The following C6orf58 variants were observed in gnomAD, a reference collection of about 807,000 sequenced individuals.
C6orf58 encodes the protein protein LEG1 homolog.
A neutral mutation model predicts 37.0 loss-of-function variants in C6orf58; 30 were observed. The ratio of observed to expected loss-of-function variants is 0.81; its 90% CI spans 0.61 to 1.10. The LOEUF is 1.10. C6orf58 is among the 50% of genes least tolerant of loss of function. The pLI is 0.00. For missense variants in C6orf58, 368 were observed against 387.5 expected, an observed-to-expected ratio of 0.95 and a Z score of 0.42; for synonymous variants, 143 against 134.1, an observed-to-expected ratio of 1.07 and a Z score of -0.46.
intron 2 of C6orf58, among the ~76,000 whole-genome samples, chr6:127,579,946 G>T: frequency 6.6e-6 from 1 of 151,926 alleles, no homozygotes; most frequent in East Asian, 1.9e-4. Context: ...AAAGTTGATA[G>T]CTTTCTTCCA....
rs1179237127 is a variant in C6orf58 at position 127,591,556 on chromosome 6, A to C, written c.927A>C (p.Thr309=). Residue 309 remains threonine (T), a synonymous_variant, in exon 6 of 6, where the codon ACA becomes ACC. Coordinates refer to ENST00000329722, the MANE Select transcript of C6orf58 (RefSeq NM_001010905.3). ...TATCTTTTACAGGTTATCTTTGTAC[A>C]GAAAAATCTAATGTATATAGAGATC... ...NVDKSIGYLC[T]EKSNVYRDHS... is the part of the protein sequence containing the mutation. The C allele has an allele frequency of 6.6e-7, 1 of 1,521,772 alleles. No homozygotes were observed. Among genetic ancestry groups the C allele is most frequent in the Admixed American group, 2.4e-5 (1 of 41,870 alleles). The allele number at this position is 1,521,772 out of a possible 1,614,324, so 94.3% of individuals were successfully genotyped here. A position where few individuals can be genotyped will look rare whatever the true frequency, so the allele number is the denominator to read the frequency against.
At chr6:127,580,723 CTAT>C (rs1775040869) in intron 3 of C6orf58, among the ~76,000 whole-genome samples, 1 of 152,132 alleles carries the variant, frequency 6.6e-6, no homozygotes, top group South Asian at 2.1e-4. Context: ...GATTAATAAG[CTAT>C]TCTGATTAAT....
At position 127,581,299 on chromosome 6, in the gene C6orf58, A is replaced by G; in HGVS notation, c.674+17A>G. On this transcript the variant is annotated intron_variant, in intron 4 of 5. Coordinates refer to ENST00000329722, the MANE Select transcript of C6orf58 (RefSeq NM_001010905.3). ...TGAAGACAGGTAAGAATGAATCTTT[A>G]AAGTATCTCTATTTAATATGATAAA... 8.7e-7 allele frequency: 1 copy of G among 1,143,746 alleles called. No homozygotes were observed. The highest frequency in any genetic ancestry group is 1.2e-6 in the Non-Finnish European group (1 of 800,780). The allele number at this position is 1,143,746 out of a possible 1,614,324, so 70.8% of individuals were successfully genotyped here. A position where few individuals can be genotyped will look rare whatever the true frequency, so the allele number is the denominator to read the frequency against.
At chr6:127,586,790 T>C (rs1562160955) in intron 4 of C6orf58, among the ~76,000 whole-genome samples, 1 of 152,234 alleles carries the variant, frequency 6.6e-6, no homozygotes, top group Non-Finnish European at 1.5e-5. Context: ...GCATTCAGTA[T>C]ATCATTTACA....
intron 4 of C6orf58, among the ~76,000 whole-genome samples, chr6:127,583,432 T>C (rs1421056880): frequency 6.6e-6 from 1 of 150,686 alleles, no homozygotes; most frequent in Non-Finnish European, 1.5e-5. Context: ...GAGAAAAGAC[T>C]TCATGTTGAC....
At chr6:127,589,700 G>A (rs541365879) in intron 4 of C6orf58, among the ~76,000 whole-genome samples, 1 of 152,180 alleles carries the variant, frequency 6.6e-6, no homozygotes, top group African/African-American at 2.4e-5. Flanking sequence ...GAAATCAACA[G>A]TTTCACAAAG....
rs1013369811 is a variant in C6orf58 at position 127,590,296 on chromosome 6, A to C, written c.884A>C (p.Asn295Thr). The C allele has an allele frequency of 1.2e-6, 2 of 1,610,772 alleles. No homozygotes were observed. Among genetic ancestry groups the C allele is most frequent in the African/African-American group, 2.7e-5 (2 of 74,880 alleles). The change falls in exon 5 of 6, where the codon AAT (asparagine) becomes ACT (threonine). Residue 295 changes from asparagine to threonine, a missense_variant. Coordinates refer to ENST00000329722, the MANE Select transcript of C6orf58 (RefSeq NM_001010905.3). Reference sequence around the variant, plus strand: ...CAGAATGTAGTCCTGGTTCTTCTAAATATGCTTGACAATGTGGATAAATCT... The same window carrying C: ...CAGAATGTAGTCCTGGTTCTTCTAACTATGCTTGACAATGTGGATAAATCT... ...AFQNVVLVLL[N>T]MLDNVDKSIG...
chr6:127,588,826 G>A (rs1221288216), intron 4 of C6orf58, among the ~76,000 whole-genome samples: 2 of 152,070 alleles, frequency 1.3e-5, no homozygotes, highest in East Asian at 3.9e-4. Context: ...CTAGACCTCT[G>A]TGGCCCTTGC....
At position 127,579,431 on chromosome 6, in the gene C6orf58, C is replaced by A. The variant is rs560890403; in HGVS notation, c.388+659C>A. On this transcript the variant is annotated intron_variant, in intron 2 of 5. Coordinates refer to ENST00000329722, the MANE Select transcript of C6orf58 (RefSeq NM_001010905.3). ...ATCCTTAAGCATTTTCCACTTACTA[C>A]CCCTAGTTCTTTTAAAAGACTCGCG... 5.3e-5 allele frequency among the ~76,000 whole-genome samples: 8 copies of A among 152,180 alleles called. No homozygotes were observed. The South Asian group carries it at 1.7e-3, about 32-fold the overall frequency.
At chr6:127,581,127 G>T in intron 3 of C6orf58, 55 bp from the exon 4 acceptor site, 1 of 771,566 alleles carries the variant, frequency 1.3e-6, no homozygotes. Flanking sequence ...TAAATTTCAG[G>T]GAGAAGGATT....
chr6:127,584,379 T>G (rs1009278087), intron 4 of C6orf58, among the ~76,000 whole-genome samples: 1 of 152,242 alleles, frequency 6.6e-6, no homozygotes, highest in African/African-American at 2.4e-5. Flanking sequence ...TTTGGATTAT[T>G]TTATCTCTTC....
intron 4 of C6orf58, among the ~76,000 whole-genome samples, chr6:127,589,846 T>C (rs920487341): frequency 6.6e-6 from 1 of 152,172 alleles, no homozygotes; most frequent in African/African-American, 2.4e-5. Flanking sequence ...TTAAAGAAGA[T>C]AAAATGCAAT....
chr6:127,581,436 T>G (rs557039888), intron 4 of C6orf58, among the ~76,000 whole-genome samples, 154 bp downstream of exon 4: 2 of 151,982 alleles, frequency 1.3e-5, no homozygotes, highest in East Asian at 3.9e-4. Context: ...GTGTAAATAT[T>G]TTAACATGAT....
chr6:127,589,310 C>T (rs994956804), intron 4 of C6orf58, among the ~76,000 whole-genome samples: 1 of 152,170 alleles, frequency 6.6e-6, no homozygotes, highest in African/African-American at 2.4e-5. Context: ...CAGAATGTAC[C>T]TGCTGAACCA....
chr6:127,577,802 C>T (rs1775006446), intron 1 of C6orf58, among the ~76,000 whole-genome samples: 1 of 152,072 alleles, frequency 6.6e-6, no homozygotes. Flanking sequence ...ACACTCCTTT[C>T]TAAGCAATGA....
At chr6:127,577,565 A>G (rs1775003281) in intron 1 of C6orf58, 79 bp downstream of exon 1, 4 of 1,193,050 alleles carry the variant, frequency 3.4e-6, no homozygotes, top group Non-Finnish European at 4.9e-6. Context: ...CTCTGTATAT[A>G]CCCTACTATG....
At chr6:127,588,830 C>A (rs762560477) in intron 4 of C6orf58, among the ~76,000 whole-genome samples, 2 of 152,126 alleles carry the variant, frequency 1.3e-5, no homozygotes, top group South Asian at 4.1e-4. Flanking sequence ...ACCTCTGTGG[C>A]CCTTGCTCAA....
chr6:127,586,702 C>G (rs1775110984), intron 4 of C6orf58, among the ~76,000 whole-genome samples: 1 of 151,424 alleles, frequency 6.6e-6, no homozygotes, highest in Non-Finnish European at 1.5e-5. Flanking sequence ...TTTCAGTCAC[C>G]TGCTTCAGAA....
chr6:127,577,543 T>C, intron 1 of C6orf58, 57 bp downstream of exon 1: 1 of 1,492,978 alleles, frequency 6.7e-7, no homozygotes, highest in South Asian at 1.1e-5. Context: ...ATGAAGTATT[T>C]GGGAAATTGG....
Sources: gnomAD v4.1 joint callset for allele counts (sites outside exome capture counted in the v4.1 genomes callset) on GRCh38, gnomAD v4.1.1 for gene constraint, MANE v1.5 for transcripts, NCBI Gene and HGNC (gene_info 2026-07-23, HGNC 2026-07-21) for gene names.